Variants in FANCA observed in about 807,000 individuals in gnomAD.
FANCA encodes FA complementation group A.
Under a neutral mutation model 194.3 loss-of-function variants are expected in FANCA, and 236 were observed. The ratio of observed to expected loss-of-function variants is 1.21; its 90% CI spans 1.09 to 1.35. FANCA has a LOEUF of 1.35. Ranked by LOEUF, FANCA falls within the 40% of genes most tolerant of loss-of-function variation. The probability of loss-of-function intolerance (pLI) is 0.00; values close to 1 mark genes in which losing one functional copy is unlikely to be tolerated. For synonymous variants in FANCA, 1,014 were observed against 715.8 expected (o/e 1.42, Z -6.65); for missense variants, 2,628 against 1,813.9 (o/e 1.45, Z -8.15).
At chr16:89,793,551 G>A (rs569909683) in intron 11 of FANCA, among the ~76,000 whole-genome samples, 6 of 152,030 alleles carry the variant, frequency 3.9e-5, no homozygotes, top group African/African-American at 1.5e-4. Flanking sequence ...TACTAGAACA[G>A]CTCGTGTCCT....
chr16:89,791,818 G>A, intron 13 of FANCA, 109 bp downstream of exon 13: 1 of 1,415,420 alleles, frequency 7.1e-7, no homozygotes, highest in Non-Finnish European at 9.9e-7. Flanking sequence ...GTTCCGGGCA[G>A]GTAGGGAAGG....
intron 6 of FANCA, among the ~76,000 whole-genome samples, chr16:89,806,339 A>G (rs970412979): frequency 6.5e-5 from 8 of 123,890 alleles, no homozygotes; most frequent in Non-Finnish European, 1.1e-4. Flanking sequence ...TTCAACTTCT[A>G]TATCATTCTT....
chr16:89,741,506 A>G (rs1473190436), intron 37 of FANCA, among the ~76,000 whole-genome samples: 1 of 152,142 alleles, frequency 6.6e-6, no homozygotes, highest in Non-Finnish European at 1.5e-5. Flanking sequence ...TGCTGCCTCC[A>G]GCTCTCTTGT....
At chr16:89,814,142 C>G (rs980688340) in intron 3 of FANCA, among the ~76,000 whole-genome samples, 3 of 152,192 alleles carry the variant, frequency 2.0e-5, no homozygotes, top group Non-Finnish European at 4.4e-5. Flanking sequence ...CTATCTCCCA[C>G]TCTCAAACTG....
At chr16:89,776,298 G>A (rs2039503461) in intron 20 of FANCA, among the ~76,000 whole-genome samples, 1 of 150,182 alleles carries the variant, frequency 6.7e-6, no homozygotes, top group Admixed American at 6.7e-5. Context: ...CTCCCGAGTA[G>A]GTGGGATTAC....
At chr16:89,779,091 C>G in intron 18 of FANCA, 88 bp from the exon 19 acceptor site, 1 of 1,253,430 alleles carries the variant, frequency 8.0e-7, no homozygotes, top group Non-Finnish European at 1.2e-6. Flanking sequence ...AGAGAGTGGA[C>G]TGCGAGGGCT....
chr16:89,779,107 C>A, intron 18 of FANCA, 104 bp from the exon 19 acceptor site: 1 of 1,038,116 alleles, frequency 9.6e-7, no homozygotes, highest in Non-Finnish European at 1.5e-6. Flanking sequence ...GGGCTCACTC[C>A]AAAGCCACGA....
intron 28 of FANCA, among the ~76,000 whole-genome samples, chr16:89,764,552 C>T (rs1464471657): frequency 6.6e-6 from 1 of 152,298 alleles, no homozygotes; most frequent in East Asian, 1.9e-4. Context: ...GTGATCAACC[C>T]GCCTTGGCCT....
chr16:89,815,445 GT>G (rs1345276677), intron 2 of FANCA, among the ~76,000 whole-genome samples: 1 of 142,970 alleles, frequency 7.0e-6, no homozygotes, highest in Non-Finnish European at 1.5e-5. Context: ...TGCCTCCCGG[GT>G]CCAGGTTCAA....
rs1800345 is a variant in FANCA, at chr16:89,748,809, C to T, written c.3240-42G>A. On this transcript the variant is annotated intron_variant, in intron 32 of 42. Transcript: ENST00000389301. The stretch of plus-strand genomic sequence containing the variant: ...GTATTGGTGGCGACAGCACAGCGTA[C>T]ACTCTGCTCCTTCCCAAGGGCTCAG... 550,892 of 1,519,736 alleles carry T rather than the reference C, an allele frequency of 0.36. 110,040 individuals carry two copies. Among genetic ancestry groups the T allele is most frequent in the East Asian group, 0.81 (35,673 of 43,984 alleles). 94.1% of individuals were successfully genotyped at this position (1,519,736 alleles called of 1,614,324 possible).
At chr16:89,786,217 T>C (rs2039893260) in intron 14 of FANCA, among the ~76,000 whole-genome samples, 1 of 151,170 alleles carries the variant, frequency 6.6e-6, no homozygotes, top group African/African-American at 2.4e-5. Flanking sequence ...AAAGCCTCAC[T>C]CTGTCACCCA....
chr16:89,754,230 A>C lies in FANCA; in HGVS notation c.2982-2008T>G, dbSNP rs562674330. On this transcript the variant is annotated intron_variant, in intron 30 of 42. Transcript: ENST00000389301. ...GAGCGAGACTCCGTCTCAGAAAAAA[A>C]AAAACAAAACAAAACAACAACAAAA... Among the ~76,000 whole-genome samples, 1,121 of 149,422 alleles carry C rather than the reference A, an allele frequency of 7.5e-3. 8 individuals are homozygous for C. The highest frequency in any genetic ancestry group is 0.021 in the Middle Eastern group (6 of 292).
intron 11 of FANCA, among the ~76,000 whole-genome samples, chr16:89,793,159 G>C (rs571827320): frequency 3.3e-5 from 5 of 152,118 alleles, no homozygotes; most frequent in South Asian, 2.1e-4. Flanking sequence ...CTAAACTCCC[G>C]GGGGGAAAGG....
chr16:89,774,579 A>C (rs1383863507), intron 21 of FANCA, among the ~76,000 whole-genome samples: 1 of 151,316 alleles, frequency 6.6e-6, no homozygotes, highest in Non-Finnish European at 1.5e-5. Flanking sequence ...AAACACAAAA[A>C]ATTAGCCGGG....
chr16:89,798,505 G>C, intron 10 of FANCA: 1 of 1,103,856 alleles, frequency 9.1e-7, no homozygotes, highest in Non-Finnish European at 1.1e-6. Context: ...TGGAAACAGT[G>C]GCAAATTCTA....
At chr16:89,744,644 G>C in intron 36 of FANCA, 1 of 391,240 alleles carries the variant, frequency 2.6e-6, no homozygotes, top group Non-Finnish European at 4.9e-6. Flanking sequence ...TCCTCACTCA[G>C]ACGAGACACT....
chr16:89,793,302 T>C (rs1290041385), intron 11 of FANCA, among the ~76,000 whole-genome samples: 1 of 152,192 alleles, frequency 6.6e-6, no homozygotes. Context: ...AGCCCTCTGG[T>C]GGCCCTGTCC....
chr16:89,770,570 G>C lies in FANCA; in HGVS notation c.2216C>G (p.Pro739Arg), dbSNP rs45441106. The C allele has an allele frequency of 6.8e-6, 11 of 1,609,294 alleles. No homozygotes were observed. The highest frequency in any genetic ancestry group is 1.3e-5 in the African/African-American group (1 of 74,828). ...GAGCTGCCCGCGCCTTCACCTCTCCGGGGGAGCGACACTGGAGGCAGCCAT... is the reference window on the plus strand; with the variant it reads ...GAGCTGCCCGCGCCTTCACCTCTCCCGGGGAGCGACACTGGAGGCAGCCAT... Reference protein sequence around the residue: ...NLMAASSVAPPERQGPWAALF... With the variant: ...NLMAASSVAPRERQGPWAALF... The change falls in exon 24 of 43, where the codon CCG (proline) becomes CGG (arginine). Residue 739 changes from proline to arginine, a missense_variant. Physicochemically the swap from Pro to Arg is moderately radical, Grantham distance 103 (BLOSUM62 -2). Transcript: ENST00000389301.
At position 89,738,666 on chromosome 16, in the gene FANCA, C is replaced by G. The variant is rs74977201; in HGVS notation, c.4303G>C (p.Ala1435Pro). 1 of 1,613,026 alleles carries G rather than the reference C, an allele frequency of 6.2e-7. No homozygotes were observed. Among genetic ancestry groups the G allele is most frequent in the South Asian group, 1.1e-5 (1 of 91,038 alleles). ...RGDCDPEVSAALQSRQQAAPD... is the reference protein window; with the variant it reads ...RGDCDPEVSAPLQSRQQAAPD... ...GCAGCCTGCTGTCTGCTCTGGAGGG[C>G]GGCGCTCACCTCTGGGTCGCAGTCC... is the stretch of plus-strand genomic sequence containing the variant. The change falls in exon 43 of 43, where the codon GCC (alanine) becomes CCC (proline). Residue 1435 changes from alanine (A) to proline (P), a missense_variant. Physicochemically the swap from Ala to Pro is conservative, Grantham distance 27. Transcript: ENST00000389301.
Sources: allele counts gnomAD v4.1 joint callset (sites outside exome capture counted in the v4.1 genomes callset), GRCh38; gene constraint gnomAD v4.1.1; transcripts MANE v1.5; gene names NCBI Gene and HGNC (gene_info 2026-07-23, HGNC 2026-07-21).